The following HOOK3 variants were observed in gnomAD, a reference collection of about 807,000 sequenced individuals.
HOOK3 encodes hook microtubule tethering protein 3, also known as protein Hook homolog 3.
HOOK3 carries 24 observed loss-of-function variants against 116.3 expected under a neutral mutation model. The observed-to-expected ratio is 0.21, with a 90% CI of 0.15 to 0.29. HOOK3 has a LOEUF of 0.29. Among genes scored for constraint, HOOK3 ranks in the 10% least tolerant of loss-of-function variants. The probability of loss-of-function intolerance (pLI) is 1.00; values close to 1 mark genes in which losing one functional copy is unlikely to be tolerated. For synonymous variants in HOOK3, 275 were observed against 283.0 expected (o/e 0.97, Z 0.28); for missense variants, 632 against 830.2 (o/e 0.76, Z 2.93).
intron 2 of HOOK3, among the ~76,000 whole-genome samples, chr8:42,917,225 C>T (rs1458154050): frequency 6.6e-6 from 1 of 152,206 alleles, no homozygotes; most frequent in Non-Finnish European, 1.5e-5. Context: ...TGCAGAGCTT[C>T]CCTTCCCTTT....
At chr8:43,016,972 G>A (rs1809729070) in intron 21 of HOOK3, among the ~76,000 whole-genome samples, 2 of 151,922 alleles carry the variant, frequency 1.3e-5, no homozygotes, top group South Asian at 2.1e-4. Flanking sequence ...CCAGGAGTTC[G>A]AGACCAGCCT....
At chr8:43,009,265 G>T (rs193095945) in intron 18 of HOOK3, among the ~76,000 whole-genome samples, 179 of 152,032 alleles carry the variant, frequency 1.2e-3, no homozygotes, top group African/African-American at 4.2e-3. Flanking sequence ...AATTAGCCGG[G>T]GGTGGTGGCA....
intron 5 of HOOK3, among the ~76,000 whole-genome samples, chr8:42,947,863 T>A (rs1242376418): frequency 6.6e-6 from 1 of 152,106 alleles, no homozygotes; most frequent in Non-Finnish European, 1.5e-5. Flanking sequence ...TGTGTGTGTA[T>A]GTGTGTGCTT....
chr8:43,018,793 AAGGTAT>A lies in HOOK3; in HGVS notation c.*299_*304del. The A allele has an allele frequency of 3.5e-6, 1 of 289,726 alleles. No individual in the cohort carries two copies. Among genetic ancestry groups the A allele is most frequent in the East Asian group, 5.3e-5 (1 of 19,038 alleles). 17.9% of individuals were successfully genotyped at this position (289,726 alleles called of 1,614,324 possible). Reference sequence around the variant, plus strand: ...TTGTATGAAAATGTCCTCTTCTTCAAAGGTATAGGCTTTGTAATGAATTAGATTTTC... The same window carrying A: ...TTGTATGAAAATGTCCTCTTCTTCAAAGGCTTTGTAATGAATTAGATTTTC... On this transcript the variant is annotated 3_prime_UTR_variant, in exon 22 of 22. Transcript: ENST00000307602.
chr8:42,901,454 T>A (rs1217096758), intron 1 of HOOK3, among the ~76,000 whole-genome samples: 1 of 152,198 alleles, frequency 6.6e-6, no homozygotes, highest in Non-Finnish European at 1.5e-5. Context: ...TTTTTTTGGT[T>A]TTTAGTATGA....
chr8:42,954,730 G>A (rs151186503), intron 6 of HOOK3, among the ~76,000 whole-genome samples: 421 of 152,254 alleles, frequency 2.8e-3, no homozygotes, highest in African/African-American at 9.8e-3. Flanking sequence ...AGATAGACAT[G>A]GTCTCTTTCC....
In HOOK3 at chr8:42,964,352, G is replaced by C. The variant is rs767999951; in HGVS notation, c.657G>C (p.Glu219Asp). Reference sequence around the variant, plus strand: ...AAGAGAAAAGTAGTTTGTTGGCAGAGAATCAGGTATTAATGGAAAGACTCA... The same window carrying C: ...AAGAGAAAAGTAGTTTGTTGGCAGACAATCAGGTATTAATGGAAAGACTCA... ...LQEEKSSLLAENQVLMERLNQ... is the reference protein window; with the variant it reads ...LQEEKSSLLADNQVLMERLNQ... Residue 219 changes from glutamate to aspartate, a missense_variant, in exon 9 of 22, where the codon GAG becomes GAC. By Grantham distance (45) the Glu-to-Asp change is conservative (BLOSUM62 2). Around this residue, in one of 3 missense-constraint regions of HOOK3, gnomAD observed 483 missense variants for 648.1 expected, o/e 0.75. Transcript: ENST00000307602. 1 of 1,614,028 alleles carries C rather than the reference G, an allele frequency of 6.2e-7. No homozygotes were observed. Among genetic ancestry groups the C allele is most frequent in the Non-Finnish European group, 8.5e-7 (1 of 1,180,028 alleles).
chr8:43,004,316 G>A (rs1278830739), intron 17 of HOOK3, among the ~76,000 whole-genome samples: 5 of 145,520 alleles, frequency 3.4e-5, no homozygotes, highest in Non-Finnish European at 7.5e-5. Context: ...GCAGTGAGCC[G>A]AGATCACACC....
chr8:42,983,978 G>A (rs1586621701), intron 14 of HOOK3, among the ~76,000 whole-genome samples: 1 of 152,112 alleles, frequency 6.6e-6, no homozygotes, highest in East Asian at 1.9e-4. Flanking sequence ...TAACAATTGT[G>A]TAAGGGTTTC....
intron 4 of HOOK3, among the ~76,000 whole-genome samples, chr8:42,933,228 T>TA: frequency 6.6e-6 from 1 of 152,190 alleles, no homozygotes; most frequent in Non-Finnish European, 1.5e-5. Context: ...TCTTTAATAA[T>TA]ATAAAAGTGT....
chr8:42,923,004 T>A (rs192479648), intron 2 of HOOK3, among the ~76,000 whole-genome samples: 1 of 152,098 alleles, frequency 6.6e-6, no homozygotes, highest in Non-Finnish European at 1.5e-5. Flanking sequence ...ACCAAAACTC[T>A]TACAATTCAA....
intron 15 of HOOK3, among the ~76,000 whole-genome samples, chr8:42,994,996 G>A (rs1257113685): frequency 6.6e-6 from 1 of 152,210 alleles, no homozygotes; most frequent in Non-Finnish European, 1.5e-5. Context: ...TCTGAAAAGA[G>A]TGAACAGTAT....
intron 19 of HOOK3, among the ~76,000 whole-genome samples, chr8:43,012,145 C>A (rs1809625549): frequency 6.6e-6 from 1 of 152,228 alleles, no homozygotes; most frequent in Non-Finnish European, 1.5e-5. Flanking sequence ...GTCCGCTGTA[C>A]AGACACATGT....
chr8:43,008,493 A>AT (rs931814820), intron 18 of HOOK3, among the ~76,000 whole-genome samples: 12 of 150,870 alleles, frequency 8.0e-5, no homozygotes, highest in Admixed American at 4.6e-4. Context: ...AATTTTTATA[A>AT]TTTTTTGTAG....
At position 43,029,554 on chromosome 8, in the gene HOOK3, G is replaced by T; in HGVS notation, c.*11056G>T. 1 of 188,538 alleles carries T rather than the reference G, an allele frequency of 5.3e-6. No individual in the cohort carries two copies. 11.7% of individuals were successfully genotyped at this position (188,538 alleles called of 1,614,324 possible). On this transcript the variant is annotated 3_prime_UTR_variant, in exon 22 of 22. Coordinates refer to ENST00000307602, the MANE Select transcript of HOOK3 (RefSeq NM_032410.4). The stretch of plus-strand genomic sequence containing the variant: ...TTACAGGTTCTGTGTAATTCAGAAT[G>T]CTTTGTACTTAGAAAATAATTTCTA...
rs146365787 is a variant in HOOK3 at position 42,998,671 on chromosome 8, T to G, written c.1620+1034T>G. 5.4e-4 allele frequency among the ~76,000 whole-genome samples: 82 copies of G among 152,180 alleles called. 1 individual carries two copies. In the East Asian group the frequency reaches 0.011, roughly 20 times the overall value. On this transcript the variant is annotated intron_variant, in intron 16 of 21. Coordinates refer to ENST00000307602, the MANE Select transcript of HOOK3 (RefSeq NM_032410.4). ...ATGAGTTTCTCCAGACATCATCTCA[T>G]GTATATTGGCAACATGTCCTTCATT...
chr8:42,973,396 G>A lies in HOOK3; in HGVS notation c.1230G>A (p.Lys410=). 1 of 1,607,598 alleles carries A rather than the reference G, an allele frequency of 6.2e-7. No individual in the cohort carries two copies. Among genetic ancestry groups the A allele is most frequent in the African/African-American group, 1.3e-5 (1 of 74,684 alleles). ...KEKVDSLQKE[K]DRLRTERDSL... ...AAGTTGACAGTCTTCAAAAAGAAAA[G>A]GACGTGAGTATATATATTAGGCATT... Residue 410 remains lysine (K), a synonymous_variant, in exon 12 of 22, where the codon AAG becomes AAA. Coordinates refer to ENST00000307602, the MANE Select transcript of HOOK3 (RefSeq NM_032410.4).
intron 6 of HOOK3, among the ~76,000 whole-genome samples, chr8:42,956,199 C>T (rs1180192810): frequency 6.7e-6 from 1 of 150,032 alleles, no homozygotes; most frequent in East Asian, 1.9e-4. Flanking sequence ...TGGATCTTCT[C>T]TCTTTGCAAC....
chr8:42,944,290 C>A (rs947336416), intron 5 of HOOK3, among the ~76,000 whole-genome samples: 4 of 151,924 alleles, frequency 2.6e-5, no homozygotes, highest in African/African-American at 7.3e-5. Context: ...GAGGCACACT[C>A]CTGTAATCCC....
Sources: gnomAD v4.1 joint callset for allele counts (sites outside exome capture counted in the v4.1 genomes callset) on GRCh38, gnomAD v4.1.1 for gene constraint, gnomAD v4.1.1 regional missense constraint, MANE v1.5 for transcripts, NCBI Gene and HGNC (gene_info 2026-07-23, HGNC 2026-07-21) for gene names.